ABCC1: variants seen among roughly 807,000 people sequenced by gnomAD.
ABCC1 encodes the protein ATP binding cassette subfamily C member 1 (ABCC1 blood group).
ABCC1 carries 83 observed loss-of-function variants against 172.9 expected under a neutral mutation model. The observed-to-expected ratio is 0.48, with a 90% CI of 0.40 to 0.58. ABCC1 has a LOEUF of 0.58. Ranked by LOEUF, ABCC1 falls within the 20% of genes least tolerant of loss-of-function variation. The probability of loss-of-function intolerance (pLI) is 0.00; values close to 1 mark genes in which losing one functional copy is unlikely to be tolerated. For synonymous variants in ABCC1, 937 were observed against 825.2 expected, an observed-to-expected ratio of 1.14 and a Z score of -2.32; for missense variants, 1,817 against 2,002.7, an observed-to-expected ratio of 0.91 and a Z score of 1.77.
In ABCC1 at chr16:16,016,371, C is replaced by T. The variant is rs1317834492; in HGVS notation, c.490-125C>T. 8 of 1,242,882 alleles carry T rather than the reference C, an allele frequency of 6.4e-6. No individual in the cohort carries two copies. The East Asian group carries it at 9.3e-5, about 15-fold the overall frequency. The allele number at this position is 1,242,882 out of a possible 1,614,324, so 77.0% of individuals were successfully genotyped here. On this transcript the variant is annotated intron_variant, in intron 4 of 30. Transcript: ENST00000399410. ...GTTTCACCATGTTGACCAGGATGGT[C>T]TCCAACTCTTGACCTCAGGTGTTCT...
intron 1 of ABCC1, among the ~76,000 whole-genome samples, chr16:16,005,548 A>T (rs1454861680): frequency 6.6e-6 from 1 of 151,936 alleles, no homozygotes; most frequent in Non-Finnish European, 1.5e-5. Context: ...AGGTTTTACC[A>T]TGTTGGCCAG....
chr16:16,120,040 A>G (rs544549663), intron 23 of ABCC1, among the ~76,000 whole-genome samples: 1 of 152,222 alleles, frequency 6.6e-6, no homozygotes, highest in African/African-American at 2.4e-5. Flanking sequence ...TCACTTACAT[A>G]GCTTCTGGGG....
intron 7 of ABCC1, among the ~76,000 whole-genome samples, chr16:16,038,239 A>C (rs1818496982): frequency 6.6e-6 from 1 of 152,166 alleles, no homozygotes; most frequent in Non-Finnish European, 1.5e-5. Context: ...AAACTGGATC[A>C]TGTGATTATG....
chr16:16,045,395 C>CAAAAA (rs34870561), intron 8 of ABCC1, among the ~76,000 whole-genome samples: 11 of 64,678 alleles, frequency 1.7e-4, no homozygotes, highest in African/African-American at 3.6e-4. Flanking sequence ...GACTTTGTCT[C>CAAAAA]AAAAAAAAAA....
At chr16:16,002,833 A>G (rs1250404643) in intron 1 of ABCC1, among the ~76,000 whole-genome samples, 3 of 152,082 alleles carry the variant, frequency 2.0e-5, no homozygotes. Flanking sequence ...AAGGTATAGA[A>G]TGGAGTATCG....
intron 1 of ABCC1, among the ~76,000 whole-genome samples, chr16:15,968,259 C>G (rs1448733427): frequency 6.6e-6 from 1 of 152,200 alleles, no homozygotes; most frequent in East Asian, 1.9e-4. Context: ...GTCTCGAATT[C>G]CTGACCTCAG....
intron 1 of ABCC1, among the ~76,000 whole-genome samples, chr16:15,957,347 A>G (rs984597521): frequency 4.0e-5 from 6 of 151,462 alleles, no homozygotes; most frequent in Middle Eastern, 3.4e-3. Flanking sequence ...TGGCCTCCCA[A>G]AGTGCTGGGA....
intron 19 of ABCC1, among the ~76,000 whole-genome samples, chr16:16,093,058 A>G (rs536456900): frequency 6.3e-4 from 96 of 152,242 alleles, no homozygotes; most frequent in Middle Eastern, 3.4e-3. Flanking sequence ...CTTTTAAATT[A>G]TTTGATTAGA....
intron 7 of ABCC1, among the ~76,000 whole-genome samples, chr16:16,039,243 G>GTT (rs1479313208): frequency 9.0e-6 from 1 of 111,276 alleles, no homozygotes; most frequent in Admixed American, 8.5e-5. Flanking sequence ...GTATGTATGT[G>GTT]TGTGTGTGTG....
At chr16:15,959,625 C>T (rs967155415) in intron 1 of ABCC1, among the ~76,000 whole-genome samples, 1 of 152,158 alleles carries the variant, frequency 6.6e-6, no homozygotes, top group Non-Finnish European at 1.5e-5. Flanking sequence ...CATGCCCAGC[C>T]GAAAATGGCT....
At chr16:16,112,405 C>T (rs971535833) in intron 22 of ABCC1, among the ~76,000 whole-genome samples, 3 of 151,632 alleles carry the variant, frequency 2.0e-5, no homozygotes, top group African/African-American at 7.3e-5. Flanking sequence ...CTATACTGTT[C>T]TGTGTGGTCC....
chr16:16,044,144 C>T (rs767309143), intron 7 of ABCC1, among the ~76,000 whole-genome samples: 6 of 152,194 alleles, frequency 3.9e-5, no homozygotes, highest in African/African-American at 1.2e-4. Flanking sequence ...ATCTTACCTA[C>T]CTTGGAGGTA....
At chr16:16,113,808 T>G (rs1381967185) in intron 22 of ABCC1, among the ~76,000 whole-genome samples, 4 of 152,206 alleles carry the variant, frequency 2.6e-5, no homozygotes, top group Non-Finnish European at 5.9e-5. Context: ...ATGGAAATGG[T>G]GGGTGGTGAT....
chr16:16,013,596 G>A (rs1215245656), intron 3 of ABCC1, among the ~76,000 whole-genome samples: 3 of 151,628 alleles, frequency 2.0e-5, no homozygotes, highest in Non-Finnish European at 4.4e-5. Flanking sequence ...TGTATCAAGC[G>A]TTGGAGACAC....
intron 1 of ABCC1, among the ~76,000 whole-genome samples, chr16:15,989,308 G>A (rs926852628): frequency 6.6e-6 from 1 of 152,112 alleles, no homozygotes; most frequent in Non-Finnish European, 1.5e-5. Context: ...GCCAGGGCGC[G>A]TCACTGCCCA....
rs2045186075 is a variant in ABCC1, at chr16:16,122,030, C to A, written c.3446C>A (p.Ser1149Tyr). The A allele has an allele frequency of 6.2e-7, 1 of 1,614,104 alleles. No homozygotes were observed. Among genetic ancestry groups the A allele is most frequent in the Non-Finnish European group, 8.5e-7 (1 of 1,180,044 alleles). ...AAGCGCCTCGAGTCGGTCAGCCGCTCCCCGGTCTATTCCCATTTCAACGAG... is the reference window on the plus strand; with the variant it reads ...AAGCGCCTCGAGTCGGTCAGCCGCTACCCGGTCTATTCCCATTTCAACGAG... ...QLKRLESVSR[S>Y]PVYSHFNETL... Residue 1149 changes from serine (S) to tyrosine (Y), a missense_variant, in exon 24 of 31, where the codon TCC (serine) becomes TAC (tyrosine). This residue lies in a region of ABCC1 where 1,412 missense variants were observed against 1,600.3 expected (regional missense o/e 0.88). Coordinates refer to ENST00000399410, the MANE Select transcript of ABCC1 (RefSeq NM_004996.4).
intron 1 of ABCC1, among the ~76,000 whole-genome samples, chr16:15,996,213 G>T (rs2047051482): frequency 6.6e-6 from 1 of 152,018 alleles, no homozygotes; most frequent in African/African-American, 2.4e-5. Context: ...TCGAACTCCT[G>T]ACCTCATGAT....
At chr16:16,094,461 G>A in intron 19 of ABCC1, 1 of 172,198 alleles carries the variant, frequency 5.8e-6, no homozygotes. Flanking sequence ...ATACTTTGTG[G>A]CCTTTTGTAC....
At chr16:16,100,314 G>C (rs1213584303) in intron 19 of ABCC1, among the ~76,000 whole-genome samples, 1 of 152,124 alleles carries the variant, frequency 6.6e-6, no homozygotes, top group Non-Finnish European at 1.5e-5. Flanking sequence ...AACAGGAGAA[G>C]TGAAGGCTGA....
Sources: allele counts gnomAD v4.1 joint callset (sites outside exome capture counted in the v4.1 genomes callset), GRCh38; gene constraint gnomAD v4.1.1; regional missense constraint gnomAD v4.1.1; transcripts MANE v1.5; gene names NCBI Gene and HGNC (gene_info 2026-07-23, HGNC 2026-07-21).